Variants in FAM135B observed in about 807,000 individuals in gnomAD.
The protein encoded by FAM135B is protein FAM135B.
In FAM135B, 43 loss-of-function variants were observed where a neutral mutation model predicts 127.7. The ratio of observed to expected loss-of-function variants is 0.34; its 90% CI spans 0.26 to 0.43. The LOEUF (loss-of-function observed/expected upper bound fraction) is 0.43, where lower values mean the gene tolerates loss of function less well. Ranked by LOEUF, FAM135B falls within the 20% of genes least tolerant of loss-of-function variation. FAM135B has a pLI of 1.00. For synonymous variants in FAM135B, 670 were observed against 665.1 expected (o/e 1.01, Z -0.11); for missense variants, 1,558 against 1,725.6 (o/e 0.90, Z 1.72).
chr8:138,294,486 A>G (rs995338166), intron 3 of FAM135B, among the ~76,000 whole-genome samples: 1 of 152,212 alleles, frequency 6.6e-6, no homozygotes, highest in African/African-American at 2.4e-5. Flanking sequence ...TAGAAAAACA[A>G]AACAAACCAA....
chr8:138,237,517 T>C (rs989360422), intron 7 of FAM135B, among the ~76,000 whole-genome samples: 5 of 152,186 alleles, frequency 3.3e-5, no homozygotes, highest in African/African-American at 9.6e-5. Flanking sequence ...TCAGCTGTGA[T>C]GGCTATTTAT....
chr8:138,284,102 A>C (rs1824487070), intron 3 of FAM135B, among the ~76,000 whole-genome samples: 1 of 152,222 alleles, frequency 6.6e-6, no homozygotes, highest in African/African-American at 2.4e-5. Context: ...TGTTAAAAAA[A>C]ACTTTTTATC....
At chr8:138,320,473 C>T (rs190047591) in intron 2 of FAM135B, among the ~76,000 whole-genome samples, 4 of 152,334 alleles carry the variant, frequency 2.6e-5, no homozygotes, top group Non-Finnish European at 5.9e-5. Flanking sequence ...CACAGGGGCC[C>T]AGCTGGATTC....
chr8:138,457,122 C>T (rs1247933632), intron 1 of FAM135B, among the ~76,000 whole-genome samples: 1 of 151,842 alleles, frequency 6.6e-6, no homozygotes, highest in African/African-American at 2.4e-5. Flanking sequence ...GGATGGCCAG[C>T]AACCCTCCAC....
intron 1 of FAM135B, among the ~76,000 whole-genome samples, chr8:138,400,468 C>T (rs186444085): frequency 2.8e-3 from 429 of 152,220 alleles, no homozygotes; most frequent in Admixed American, 4.6e-3. Flanking sequence ...CCCAGTTTAT[C>T]CCAGTCTCAC....
chr8:138,149,857 G>A (rs754907486), intron 13 of FAM135B, among the ~76,000 whole-genome samples: 7 of 152,110 alleles, frequency 4.6e-5, no homozygotes, highest in East Asian at 1.9e-4. Context: ...TCTCTCATGT[G>A]TCTGTCTCTC....
At chr8:138,444,545 A>G (rs935624175) in intron 1 of FAM135B, among the ~76,000 whole-genome samples, 33 of 152,226 alleles carry the variant, frequency 2.2e-4, no homozygotes, top group African/African-American at 7.2e-4. Context: ...CTGCTCCTGA[A>G]TGACTACTGG....
At chr8:138,329,580 GT>G (rs1208257109) in intron 2 of FAM135B, among the ~76,000 whole-genome samples, 1 of 152,150 alleles carries the variant, frequency 6.6e-6, no homozygotes, top group African/African-American at 2.4e-5. Context: ...GGGGGAGTGT[GT>G]TTTAACCAAA....
chr8:138,283,666 G>T (rs756398397), intron 3 of FAM135B, among the ~76,000 whole-genome samples: 8 of 151,908 alleles, frequency 5.3e-5, no homozygotes, highest in Non-Finnish European at 1.2e-4. Flanking sequence ...GGGAGATGTT[G>T]ATAATGGGGG....
intron 18 of FAM135B, 50 bp downstream of exon 18, chr8:138,138,936 T>A: frequency 8.7e-7 from 1 of 1,154,340 alleles, no homozygotes; most frequent in Non-Finnish European, 1.3e-6. Flanking sequence ...TCTCAGGAGT[T>A]GAATCCCAAG....
intron 7 of FAM135B, among the ~76,000 whole-genome samples, chr8:138,239,068 A>G (rs1363727897): frequency 6.6e-6 from 1 of 152,180 alleles, no homozygotes. Flanking sequence ...CATGGGCCTA[A>G]GTCTATTTCT....
At chr8:138,314,280 C>G (rs1826910033) in intron 2 of FAM135B, among the ~76,000 whole-genome samples, 2 of 152,152 alleles carry the variant, frequency 1.3e-5, no homozygotes, top group South Asian at 4.1e-4. Flanking sequence ...TCACAGGAAC[C>G]TAACCCTCTA....
intron 1 of FAM135B, chr8:138,441,422 G>A (rs1216532645): frequency 6.6e-6 from 1 of 152,210 alleles, no homozygotes; most frequent in Admixed American, 6.5e-5. Context: ...CAGTTGGAAA[G>A]AGTGGGACAA....
chr8:138,295,306 G>A lies in FAM135B; in HGVS notation c.157+15535C>T, dbSNP rs116934541. ...GGGAACCCATCATGTTGGTTCTCTCGGTGACTTTGACATTGACTCTTTTGT... is the reference window on the plus strand; with the variant it reads ...GGGAACCCATCATGTTGGTTCTCTCAGTGACTTTGACATTGACTCTTTTGT... On this transcript the variant is annotated intron_variant, in intron 3 of 19. Coordinates refer to ENST00000395297, the MANE Select transcript of FAM135B (RefSeq NM_015912.4). 6.8e-4 allele frequency among the ~76,000 whole-genome samples: 103 copies of A among 151,890 alleles called. 1 individual carries two copies. The East Asian group carries it at 7.0e-3, about 10-fold the overall frequency.
chr8:138,182,085 C>G (rs1401591253), intron 9 of FAM135B, among the ~76,000 whole-genome samples: 1 of 152,218 alleles, frequency 6.6e-6, no homozygotes, highest in African/African-American at 2.4e-5. Context: ...GCACCACTAC[C>G]ACGCTGCCAC....
In FAM135B at chr8:138,265,713, C is replaced by A. The variant is rs781120349; in HGVS notation, c.287G>T (p.Gly96Val). 85 of 1,613,926 alleles carry A rather than the reference C, an allele frequency of 5.3e-5. 1 individual carries two copies. The South Asian group carries it at 7.8e-4, about 15-fold the overall frequency. The change falls in exon 4 of 20, where the codon GGT (glycine) becomes GTT (valine). Residue 96 changes from glycine (G) to valine (V), a missense_variant. Transcript: ENST00000395297. Reference protein sequence around the residue: ...AVVFRVHLLLGGERMEDALSE... With the variant: ...AVVFRVHLLLVGERMEDALSE... ...AGATTCATGACTTACCCTTTCACCA[C>A]CCAAGAGTAAATGAACTCGGAAGAC...
intron 2 of FAM135B, among the ~76,000 whole-genome samples, chr8:138,337,267 G>A (rs1362123116): frequency 2.6e-5 from 4 of 151,142 alleles, no homozygotes; most frequent in Non-Finnish European, 5.9e-5. Flanking sequence ...GGGCAATTAG[G>A]CAGGAGAAGG....
chr8:138,334,979 A>G (rs1828458259), intron 2 of FAM135B, among the ~76,000 whole-genome samples: 1 of 152,208 alleles, frequency 6.6e-6, no homozygotes, highest in African/African-American at 2.4e-5. Context: ...ATGCATTTAT[A>G]ATCCTTATGC....
intron 3 of FAM135B, among the ~76,000 whole-genome samples, chr8:138,287,379 A>T (rs936201173): frequency 1.3e-5 from 2 of 152,118 alleles, no homozygotes; most frequent in Admixed American, 6.6e-5. Flanking sequence ...GGTTTCAATA[A>T]ATAAATATTT....
Sources: allele counts gnomAD v4.1 joint callset (sites outside exome capture counted in the v4.1 genomes callset), GRCh38; gene constraint gnomAD v4.1.1; transcripts MANE v1.5; gene names NCBI Gene and HGNC (gene_info 2026-07-23, HGNC 2026-07-21).